Variants in FIG4 observed in about 807,000 individuals in gnomAD.
FIG4 encodes the protein polyphosphoinositide phosphatase.
A neutral mutation model predicts 118.6 loss-of-function variants in FIG4; 112 were observed. The ratio of observed to expected loss-of-function variants is 0.94; its 90% CI spans 0.81 to 1.11. The LOEUF (loss-of-function observed/expected upper bound fraction) is 1.11. FIG4 is among the 50% of genes least tolerant of loss of function. FIG4 has a pLI of 0.00. For synonymous variants in FIG4, 369 were observed against 381.2 expected, an observed-to-expected ratio of 0.97 and a Z score of 0.37; for missense variants, 969 against 1,111.7, an observed-to-expected ratio of 0.87 and a Z score of 1.83.
chr6:109,752,896 A>G lies in FIG4; in HGVS notation c.1138-7354A>G, dbSNP rs546774544. On this transcript the variant is annotated intron_variant, in intron 10 of 22. Transcript: ENST00000230124. Reference sequence around the variant, plus strand: ...TTGTTGCCATTGCTTTTGGTGTTCTAGACATGAAGTCCTTGCCCATGCCTA... The same window carrying G: ...TTGTTGCCATTGCTTTTGGTGTTCTGGACATGAAGTCCTTGCCCATGCCTA... Among the ~76,000 whole-genome samples, 1,462 of 152,300 alleles carry G rather than the reference A, an allele frequency of 9.6e-3. 29 individuals carry two copies. The highest frequency in any genetic ancestry group is 0.033 in the African/African-American group (1,389 of 41,552).
rs181703172 is a variant in FIG4 at position 109,762,255 on chromosome 6, T to C, written c.1388+48T>C. The stretch of plus-strand genomic sequence containing the variant: ...TATAATAAATGATGATTTTTGCTCT[T>C]ATGGGTATTCTAAATACAGCAGTTT... On this transcript the variant is annotated intron_variant, in intron 12 of 22. Coordinates refer to ENST00000230124, the MANE Select transcript of FIG4 (RefSeq NM_014845.6). 1.2e-4 allele frequency: 136 copies of C among 1,168,074 alleles called. No homozygotes were observed. In the African/African-American group the frequency reaches 1.9e-3, roughly 16 times the overall value. The allele number at this position is 1,168,074 out of a possible 1,614,324, so 72.4% of individuals were successfully genotyped here.
chr6:109,808,350 C>CAAAAAAAAAAAAAAAAAAAA (rs55948419), intron 22 of FIG4, among the ~76,000 whole-genome samples: 10 of 67,036 alleles, frequency 1.5e-4, no homozygotes, highest in East Asian at 4.8e-4. Context: ...ACACTCACAG[C>CAAAAAAAAAAAAAAAAAAAA]AAAAAAAAAA....
chr6:109,743,603 A>G (rs1583671655), intron 9 of FIG4, 72 bp from the exon 10 acceptor site: 1 of 1,194,332 alleles, frequency 8.4e-7, no homozygotes, highest in African/African-American at 1.5e-5. Context: ...CTTTAAAAAA[A>G]CAACCCTATG....
At chr6:109,783,421 A>T (rs1777862393) in intron 16 of FIG4, among the ~76,000 whole-genome samples, 1 of 152,110 alleles carries the variant, frequency 6.6e-6, no homozygotes, top group South Asian at 2.1e-4. Flanking sequence ...TCTTGTAGAG[A>T]CGCTCTAGCG....
In FIG4 at chr6:109,825,160, A is replaced by G. The variant is rs1355364966; in HGVS notation, c.2619A>G (p.Thr873=). ...CCCCAAGAGTAGACAGAAAATCTAC[A>G]GAGATCTTCCAAGCCCACATCCAGG... ...VQPPRVDRKS[T]EIFQAHIQAS... Residue 873 remains threonine, a synonymous_variant, in exon 23 of 23, where the codon ACA becomes ACG. Coordinates refer to ENST00000230124, the MANE Select transcript of FIG4 (RefSeq NM_014845.6). 4 of 1,614,012 alleles carry G rather than the reference A, an allele frequency of 2.5e-6. No individual in the cohort carries two copies. The highest frequency in any genetic ancestry group is 3.4e-6 in the Non-Finnish European group (4 of 1,179,842).
chr6:109,775,428 T>C (rs1296802486), intron 15 of FIG4, among the ~76,000 whole-genome samples: 6 of 152,198 alleles, frequency 3.9e-5, no homozygotes, highest in Non-Finnish European at 8.8e-5. Flanking sequence ...CCATACTTGC[T>C]AAAAATTAAA....
chr6:109,760,377 C>G lies in FIG4; in HGVS notation c.1265C>G (p.Thr422Ser). 6.2e-7 allele frequency: 1 copy of G among 1,612,742 alleles called. No homozygotes were observed. Among genetic ancestry groups the G allele is most frequent in the Non-Finnish European group, 8.5e-7 (1 of 1,178,910 alleles). Residue 422 changes from threonine (T) to serine (S), a missense_variant, in exon 11 of 23, where the codon ACC becomes AGC. Physicochemically the swap from Thr to Ser is moderately conservative, Grantham distance 58. Transcript: ENST00000230124. ...ATTCCCTGGGACATGGCCAAGTATA[C>G]CAAAAGGTGAATGATACTCATCTGT... ...VYIPWDMAKYTKSKLCNVLDR... is the reference protein window; with the variant it reads ...VYIPWDMAKYSKSKLCNVLDR...
intron 1 of FIG4, among the ~76,000 whole-genome samples, chr6:109,695,759 T>C (rs1044050842): frequency 5.3e-5 from 8 of 152,224 alleles, no homozygotes; most frequent in Non-Finnish European, 1.0e-4. Context: ...TACAGTTCTT[T>C]GAAGAAATGC....
chr6:109,767,472 C>G (rs1421214895), intron 15 of FIG4, among the ~76,000 whole-genome samples: 1 of 152,158 alleles, frequency 6.6e-6, no homozygotes, highest in Non-Finnish European at 1.5e-5. Context: ...AACCCCCATG[C>G]ACAGAATTTA....
At chr6:109,778,526 T>G (rs1402405258) in intron 16 of FIG4, among the ~76,000 whole-genome samples, 1 of 151,500 alleles carries the variant, frequency 6.6e-6, no homozygotes, top group African/African-American at 2.4e-5. Context: ...CAGTCTGTGC[T>G]AATTGTGTGT....
chr6:109,759,792 T>C (rs1020554786), intron 10 of FIG4, among the ~76,000 whole-genome samples: 3 of 152,214 alleles, frequency 2.0e-5, no homozygotes, highest in African/African-American at 7.2e-5. Context: ...CAAGTCTAAT[T>C]TATGAAGTCC....
At chr6:109,824,296 C>T (rs1053475342) in intron 22 of FIG4, among the ~76,000 whole-genome samples, 8 of 152,160 alleles carry the variant, frequency 5.3e-5, no homozygotes, top group African/African-American at 1.9e-4. Context: ...CTAGATGAGT[C>T]GCAGAATTCC....
At chr6:109,818,540 A>T (rs1778923294) in intron 22 of FIG4, among the ~76,000 whole-genome samples, 1 of 152,164 alleles carries the variant, frequency 6.6e-6, no homozygotes, top group Admixed American at 6.5e-5. Flanking sequence ...TACATGTTCT[A>T]TTATATTATT....
chr6:109,717,260 G>C (rs1461060164), intron 3 of FIG4, among the ~76,000 whole-genome samples: 2 of 152,094 alleles, frequency 1.3e-5, no homozygotes, highest in African/African-American at 4.8e-5. Flanking sequence ...AGGACCCTTG[G>C]TCTACTTCAT....
chr6:109,762,125 A>G lies in FIG4; in HGVS notation c.1306A>G (p.Ile436Val). 1 of 1,613,404 alleles carries G rather than the reference A, an allele frequency of 6.2e-7. No individual in the cohort carries two copies. The highest frequency in any genetic ancestry group is 8.5e-7 in the Non-Finnish European group (1 of 1,179,392). ...TAATGTTCTTGATCGACTAAATGTG[A>G]TTGCAGAAAGTGTGGTGAAGAAAAC... ...LCNVLDRLNV[I>V]AESVVKKTGF... is the part of the protein sequence containing the mutation. The change falls in exon 12 of 23, where the codon ATT (isoleucine) becomes GTT (valine). Residue 436 changes from isoleucine to valine, a missense_variant. Ile to Val is a conservative substitution (Grantham distance 29). Coordinates refer to ENST00000230124, the MANE Select transcript of FIG4 (RefSeq NM_014845.6).
rs772937400 is a variant in FIG4, at chr6:109,777,048, C to T, written c.1877C>T (p.Pro626Leu). Residue 626 changes from proline (P) to leucine (L), a missense_variant, in exon 16 of 23, where the codon CCA (proline) becomes CTA (leucine). Around this residue, in one of 3 missense-constraint regions of FIG4, gnomAD observed 330 missense variants for 348.1 expected, o/e 0.95. Transcript: ENST00000230124. ...CACAAAAATACCATGAGACTTTTGC[C>T]AACAAGAAGAAGGTATTTTTCTTCC... The part of the protein sequence containing the change: ...LHHKNTMRLL[P>L]TRRSYTYWWT... 3.7e-6 allele frequency: 6 copies of T among 1,613,590 alleles called. No homozygotes were observed. The highest frequency in any genetic ancestry group is 5.1e-6 in the Non-Finnish European group (6 of 1,179,620).
At chr6:109,807,214 A>G (rs1220766223) in intron 22 of FIG4, among the ~76,000 whole-genome samples, 3 of 152,186 alleles carry the variant, frequency 2.0e-5, no homozygotes, top group Non-Finnish European at 2.9e-5. Context: ...GAACTAATTT[A>G]CACTCCCACC....
intron 4 of FIG4, among the ~76,000 whole-genome samples, chr6:109,731,962 T>C (rs1247539001): frequency 1.3e-5 from 2 of 152,188 alleles, no homozygotes; most frequent in Non-Finnish European, 2.9e-5. Flanking sequence ...ATTTTAAATA[T>C]ACAATATAAT....
intron 22 of FIG4, among the ~76,000 whole-genome samples, chr6:109,803,621 C>CT (rs199761048): frequency 0.052 from 7,825 of 149,460 alleles, 261 homozygotes; most frequent in East Asian, 0.18. Context: ...TTTCTTTTTT[C>CT]TTTTTTTTTT....
Sources: gnomAD v4.1 joint callset for allele counts (sites outside exome capture counted in the v4.1 genomes callset) on GRCh38, gnomAD v4.1.1 for gene constraint, gnomAD v4.1.1 regional missense constraint, MANE v1.5 for transcripts, NCBI Gene and HGNC (gene_info 2026-07-23, HGNC 2026-07-21) for gene names.